The following GRID2 variants were observed in gnomAD, a reference collection of about 807,000 sequenced individuals.
GRID2 encodes the protein glutamate receptor ionotropic, delta-2.
A neutral mutation model predicts 114.8 loss-of-function variants in GRID2; 33 were observed. The ratio of observed to expected loss-of-function variants is 0.29; its 90% CI spans 0.22 to 0.38. The LOEUF (loss-of-function observed/expected upper bound fraction) is 0.38. Ranked by LOEUF, GRID2 falls within the 10% of genes least tolerant of loss-of-function variation. The pLI is 1.00. For missense variants in GRID2, 1,184 were observed against 1,257.7 expected (o/e 0.94, Z 0.89); for synonymous variants, 505 against 449.9 (o/e 1.12, Z -1.55).
chr4:92,900,405 C>T (rs543053595), intron 2 of GRID2, among the ~76,000 whole-genome samples: 33 of 152,288 alleles, frequency 2.2e-4, no homozygotes, highest in African/African-American at 6.0e-4. Flanking sequence ...TCATCTCCTA[C>T]CCTCCTCTCA....
chr4:93,492,614 A>G (rs1419512278), intron 12 of GRID2, among the ~76,000 whole-genome samples: 1 of 151,850 alleles, frequency 6.6e-6, no homozygotes, highest in Non-Finnish European at 1.5e-5. Flanking sequence ...CTTTTGTGTT[A>G]TAGGCATGTA....
chr4:93,346,809 T>C (rs1382973590), intron 8 of GRID2, among the ~76,000 whole-genome samples: 1 of 152,200 alleles, frequency 6.6e-6, no homozygotes, highest in Non-Finnish European at 1.5e-5. Context: ...ATAGACTGGA[T>C]TAAGAAAGCC....
intron 2 of GRID2, among the ~76,000 whole-genome samples, chr4:93,061,664 G>T (rs1362420029): frequency 6.6e-6 from 1 of 152,102 alleles, no homozygotes; most frequent in Non-Finnish European, 1.5e-5. Flanking sequence ...TGGGTAAAAG[G>T]CACAAGTGAA....
At chr4:92,433,022 G>A (rs1037374073) in intron 1 of GRID2, among the ~76,000 whole-genome samples, 3 of 152,102 alleles carry the variant, frequency 2.0e-5, no homozygotes, top group Non-Finnish European at 2.9e-5. Flanking sequence ...TTTGTTCAGG[G>A]TGTGTCTAGA....
chr4:93,478,496 AT>A lies in GRID2; in HGVS notation c.1859-12139del, dbSNP rs953077167. ...ATTTTTATTTGCTCAGAACATTCTT[AT>A]TTTAAGTAAATATGTATAGATGGCA... On this transcript the variant is annotated intron_variant, in intron 11 of 15. Transcript: ENST00000282020. Among the ~76,000 whole-genome samples, 198 of 151,870 alleles carry A rather than the reference AT, an allele frequency of 1.3e-3. 1 individual carries two copies. The highest frequency in any genetic ancestry group is 2.3e-3 in the South Asian group (11 of 4,824).
intron 4 of GRID2, among the ~76,000 whole-genome samples, chr4:93,195,788 G>A (rs546581804): frequency 6.6e-6 from 1 of 152,262 alleles, no homozygotes; most frequent in African/African-American, 2.4e-5. Flanking sequence ...CATATAAATG[G>A]CATTCAGAGT....
intron 2 of GRID2, among the ~76,000 whole-genome samples, chr4:92,866,351 T>C (rs1009780421): frequency 1.3e-5 from 2 of 152,232 alleles, no homozygotes; most frequent in African/African-American, 2.4e-5. Context: ...GCTTTTGGTA[T>C]TCTGCTTACC....
chr4:93,202,591 G>A (rs989424834), intron 4 of GRID2, among the ~76,000 whole-genome samples: 8 of 152,220 alleles, frequency 5.3e-5, no homozygotes, highest in South Asian at 4.1e-4. Flanking sequence ...AAGTAATTTA[G>A]CCCTCAAGTT....
At chr4:92,505,583 A>G (rs889070611) in intron 1 of GRID2, among the ~76,000 whole-genome samples, 3 of 151,954 alleles carry the variant, frequency 2.0e-5, no homozygotes, top group Non-Finnish European at 4.4e-5. Context: ...GCCCTTTGTT[A>G]GAGTCTGGAA....
In GRID2 at chr4:93,042,133, G is replaced by T. The variant is rs545789152; in HGVS notation, c.245-42862G>T. 5.3e-4 allele frequency among the ~76,000 whole-genome samples: 80 copies of T among 151,882 alleles called. No homozygotes were observed. The Middle Eastern group carries it at 0.01, about 20-fold the overall frequency. ...TTAGCCAGGATGGTCTCAATCTTCT[G>T]ACCTCGTGATCTGCCTGCCTTAGCC... On this transcript the variant is annotated intron_variant, in intron 2 of 15. Transcript: ENST00000282020.
chr4:93,722,881 C>G (rs1312790708), intron 14 of GRID2, among the ~76,000 whole-genome samples: 1 of 152,200 alleles, frequency 6.6e-6, no homozygotes, highest in Non-Finnish European at 1.5e-5. Context: ...TTTTCAATGT[C>G]TCTTCATTGC....
chr4:93,236,962 C>A (rs962941459), intron 7 of GRID2, among the ~76,000 whole-genome samples: 1 of 151,996 alleles, frequency 6.6e-6, no homozygotes, highest in Non-Finnish European at 1.5e-5. Flanking sequence ...GCTCTTACCA[C>A]ATGTCAAGAA....
At chr4:93,573,959 T>C (rs1410962551) in intron 13 of GRID2, among the ~76,000 whole-genome samples, 3 of 152,164 alleles carry the variant, frequency 2.0e-5, no homozygotes, top group African/African-American at 7.2e-5. Flanking sequence ...TTCAGCACTG[T>C]TGTAAGAATT....
intron 8 of GRID2, among the ~76,000 whole-genome samples, chr4:93,390,788 CAT>C (rs1447517975): frequency 1.3e-5 from 2 of 151,780 alleles, no homozygotes; most frequent in South Asian, 2.1e-4. Context: ...TGTATATAGA[CAT>C]ATATATGTAT....
chr4:93,620,443 G>C (rs184410153), intron 13 of GRID2, among the ~76,000 whole-genome samples: 2 of 152,266 alleles, frequency 1.3e-5, no homozygotes, highest in East Asian at 1.9e-4. Context: ...AACAGGTAGC[G>C]ATAAGTCTGT....
chr4:92,617,317 C>G (rs1730050360), intron 2 of GRID2, among the ~76,000 whole-genome samples: 1 of 151,424 alleles, frequency 6.6e-6, no homozygotes, highest in Admixed American at 6.6e-5. Flanking sequence ...ATCAACCCGT[C>G]ATCTAGCTTT....
chr4:92,816,167 T>C (rs2149382609), intron 2 of GRID2, among the ~76,000 whole-genome samples: 1 of 150,964 alleles, frequency 6.6e-6, no homozygotes, highest in South Asian at 2.1e-4. Flanking sequence ...AATACAAAAT[T>C]AGCCGGGTGT....
chr4:93,589,551 C>A (rs1199766916), intron 13 of GRID2, among the ~76,000 whole-genome samples: 2 of 152,140 alleles, frequency 1.3e-5, no homozygotes, highest in African/African-American at 4.8e-5. Context: ...GATTTATAGT[C>A]ATTTGGGTAT....
At chr4:93,555,532 G>A (rs539530558) in intron 13 of GRID2, among the ~76,000 whole-genome samples, 3 of 152,186 alleles carry the variant, frequency 2.0e-5, no homozygotes, top group African/African-American at 7.2e-5. Flanking sequence ...GCTCCTCAAA[G>A]GTGCTATAGC....
Sources: allele counts gnomAD v4.1 joint callset (sites outside exome capture counted in the v4.1 genomes callset), GRCh38; gene constraint gnomAD v4.1.1; transcripts MANE v1.5; gene names NCBI Gene and HGNC (gene_info 2026-07-23, HGNC 2026-07-21).